Variants in CLEC5A observed in about 807,000 individuals in gnomAD.
CLEC5A encodes the protein C-type lectin domain family 5 member A.
Under a neutral mutation model 24.4 loss-of-function variants are expected in CLEC5A, and 15 were observed. That is an observed-to-expected ratio of 0.62 (90% CI 0.41 to 0.95). The LOEUF (loss-of-function observed/expected upper bound fraction) is 0.95. Ranked by LOEUF, CLEC5A falls within the 40% of genes least tolerant of loss-of-function variation. The probability of loss-of-function intolerance (pLI) is 0.00; values close to 1 mark genes in which losing one functional copy is unlikely to be tolerated. For synonymous variants in CLEC5A, 71 were observed against 72.6 expected (o/e 0.98, Z 0.11); for missense variants, 211 against 224.0 (o/e 0.94, Z 0.37).
At chr7:141,940,719 TAATAA>T (rs1346210824) in intron 4 of CLEC5A, among the ~76,000 whole-genome samples, 3 of 149,978 alleles carry the variant, frequency 2.0e-5, no homozygotes, top group Non-Finnish European at 4.5e-5. Context: ...TGACCCAAAT[TAATAA>T]AATCAGAGAT....
intron 4 of CLEC5A, among the ~76,000 whole-genome samples, chr7:141,938,866 T>G (rs1202801431): frequency 6.6e-6 from 1 of 152,190 alleles, no homozygotes; most frequent in Non-Finnish European, 1.5e-5. Flanking sequence ...GCATGGCATA[T>G]TTAAGTTGCT....
At chr7:141,946,528 C>T (rs556832834) in intron 1 of CLEC5A, among the ~76,000 whole-genome samples, 8 of 152,326 alleles carry the variant, frequency 5.3e-5, no homozygotes, top group Non-Finnish European at 1.0e-4. Context: ...ACTGCCTCTC[C>T]TTCACTCATT....
In CLEC5A at chr7:141,931,474, T is replaced by C. The variant is rs1158920724; in HGVS notation, c.452+246A>G. On this transcript the variant is annotated intron_variant, in intron 6 of 6. Transcript: ENST00000546910. The stretch of plus-strand genomic sequence containing the variant: ...TGCTATGTAGGTGGATTTGTTTGGA[T>C]CTTGATATGAATAAAATAATTTGCT... 1.2e-5 allele frequency: 6 copies of C among 512,770 alleles called. No homozygotes were observed. The African/African-American group carries it at 1.2e-4, about 10-fold the overall frequency. 31.8% of individuals were successfully genotyped at this position (512,770 alleles called of 1,614,324 possible).
Position 141,931,844 on chromosome 7 carries a change from AT to A in CLEC5A, c.346-19del. The A allele has an allele frequency of 3.3e-6, 4 of 1,217,288 alleles. No homozygotes were observed. Among genetic ancestry groups the A allele is most frequent in the South Asian group, 1.3e-5 (1 of 77,794 alleles). The allele number at this position is 1,217,288 out of a possible 1,614,324, so 75.4% of individuals were successfully genotyped here. ...AGAAACTTCTGGAAATAAAAAAAAA[AT>A]TTTACCAGTGAGTCTTTTAATGATG... On this transcript the variant is annotated intron_variant, in intron 5 of 6. Transcript: ENST00000546910.
Position 141,935,721 on chromosome 7 carries a change from A to T in CLEC5A, c.345+93T>A, listed in dbSNP as rs150234759. 6.0e-3 allele frequency: 6,597 copies of T among 1,097,010 alleles called. 114 individuals carry two copies. Among genetic ancestry groups the T allele is most frequent in the Middle Eastern group, 0.053 (259 of 4,928 alleles). 68.0% of individuals were successfully genotyped at this position (1,097,010 alleles called of 1,614,324 possible). A position where few individuals can be genotyped will look rare whatever the true frequency, so the allele number is the denominator to read the frequency against. ...CAGCCACCTCTCCATTCCTCACTCC[A>T]TCCCATCCCCACTCCCCCAAGTTTC... On this transcript the variant is annotated intron_variant, in intron 5 of 6. Transcript: ENST00000546910.
intron 4 of CLEC5A, among the ~76,000 whole-genome samples, chr7:141,942,994 C>T (rs1584853343): frequency 6.6e-6 from 1 of 152,170 alleles, no homozygotes; most frequent in East Asian, 1.9e-4. Context: ...TAAACTAGTA[C>T]AGCTATGGAG....
chr7:141,930,148 AT>A lies in CLEC5A; in HGVS notation c.522del (p.Cys175ValfsTer20), dbSNP rs538086213. On this transcript the variant is annotated frameshift_variant, in exon 7 of 7. Transcript: ENST00000546910. LOFTEE classifies it high-confidence loss of function. Reference sequence around the variant, plus strand: ...CAGATCCTGCGGTAGCTGATGTCACATGATGCAGCATCAAATGTCTTTGTTA... The same window carrying A: ...CAGATCCTGCGGTAGCTGATGTCACAGATGCAGCATCAAATGTCTTTGTTA... ...IGLTKTFDAA[S>X]CDISYRRICE... is the part of the protein sequence containing the mutation. The A allele has an allele frequency of 1.2e-4, 200 of 1,614,086 alleles. No individual in the cohort carries two copies. Among genetic ancestry groups the A allele is most frequent in the Middle Eastern group, 1.6e-4 (1 of 6,084 alleles).
rs1563073241 is a variant in CLEC5A, at chr7:141,931,803, A to G, written c.369T>C (p.Asp123=). The G allele has an allele frequency of 2.5e-6, 4 of 1,599,156 alleles. No individual in the cohort carries two copies. In the South Asian group the frequency reaches 3.3e-5, roughly 13 times the overall value. ...EKLKFLQDIT[D]AEKYFIGLIY... is the part of the protein sequence containing the mutation. ...TTAAGCCAATAAAATACTTCTCAGC[A>G]TCAGTTATGTCCTGAAGAAACTTCT... is the stretch of plus-strand genomic sequence containing the variant. Residue 123 remains aspartate, a synonymous_variant, in exon 6 of 7, where the codon GAT becomes GAC. Coordinates refer to ENST00000546910, the MANE Select transcript of CLEC5A (RefSeq NM_013252.3).
chr7:141,941,854 A>G (rs1470668411), intron 4 of CLEC5A, among the ~76,000 whole-genome samples: 1 of 152,132 alleles, frequency 6.6e-6, no homozygotes, highest in Non-Finnish European at 1.5e-5. Context: ...TAAAATATCT[A>G]GGAATTAATT....
chr7:141,944,429 G>A (rs1802891970), intron 3 of CLEC5A, among the ~76,000 whole-genome samples: 1 of 152,146 alleles, frequency 6.6e-6, no homozygotes, highest in African/African-American at 2.4e-5. Context: ...GCAACTCTGG[G>A]ACTCTTTTCT....
chr7:141,928,681 A>C lies in CLEC5A; in HGVS notation c.*1423T>G, dbSNP rs782143851. ...GAGCCAAAAATGATGAAACCTAGGA[A>C]TGCAGAAGCAGAACTTAGTGTTGTA... On this transcript the variant is annotated 3_prime_UTR_variant, in exon 7 of 7. Coordinates refer to ENST00000546910, the MANE Select transcript of CLEC5A (RefSeq NM_013252.3). 2.6e-5 allele frequency: 4 copies of C among 152,234 alleles called. No homozygotes were observed. Among genetic ancestry groups the C allele is most frequent in the Admixed American group, 6.5e-5 (1 of 15,286 alleles). 9.4% of individuals were successfully genotyped at this position (152,234 alleles called of 1,614,324 possible).
intron 2 of CLEC5A, chr7:141,945,871 G>T (rs1341483211): frequency 2.2e-5 from 7 of 323,422 alleles, no homozygotes; most frequent in African/African-American, 1.5e-4. Flanking sequence ...TTGTCATTGG[G>T]TTGAACTGGA....
intron 6 of CLEC5A, chr7:141,931,380 G>A: frequency 5.3e-6 from 2 of 375,086 alleles, no homozygotes; most frequent in Non-Finnish European, 9.5e-6. Flanking sequence ...GAGCTTTTTT[G>A]ATCAGTCAGA....
chr7:141,945,314 GAGA>G, intron 3 of CLEC5A, 24 bp downstream of exon 3: 1 of 1,529,648 alleles, frequency 6.5e-7, no homozygotes, highest in Non-Finnish European at 9.1e-7. Flanking sequence ...GGAGGATGGG[GAGA>G]AGATTTACCA....
At chr7:141,945,915 G>A (rs528952028) in intron 2 of CLEC5A, 52 of 371,038 alleles carry the variant, frequency 1.4e-4, no homozygotes, top group African/African-American at 5.9e-4. Context: ...AATAACAAGC[G>A]CTGCCAAGTA....
At chr7:141,939,059 T>C (rs1584850088) in intron 4 of CLEC5A, among the ~76,000 whole-genome samples, 1 of 152,188 alleles carries the variant, frequency 6.6e-6, no homozygotes, top group African/African-American at 2.4e-5. Context: ...TAATGAGCAA[T>C]AAGAAATCAT....
intron 4 of CLEC5A, among the ~76,000 whole-genome samples, chr7:141,937,183 A>T (rs574501291): frequency 9.2e-5 from 14 of 152,060 alleles, no homozygotes; most frequent in African/African-American, 2.9e-4. Flanking sequence ...CTTGCACCTT[A>T]TGTAACAGAC....
intron 4 of CLEC5A, 69 bp from the exon 5 acceptor site, chr7:141,936,019 G>C: frequency 7.9e-7 from 1 of 1,269,926 alleles, no homozygotes; most frequent in Non-Finnish European, 1.1e-6. Context: ...ACTAAGTCAT[G>C]AAACAGTGAT....
Position 141,941,016 on chromosome 7 carries a change from A to G in CLEC5A, c.208+2880T>C, listed in dbSNP as rs111625586. Among the ~76,000 whole-genome samples the G allele has an allele frequency of 4.3e-3, 662 of 152,244 alleles. 5 individuals carry two copies. The highest frequency in any genetic ancestry group is 0.015 in the African/African-American group (636 of 41,560). On this transcript the variant is annotated intron_variant, in intron 4 of 6. Coordinates refer to ENST00000546910, the MANE Select transcript of CLEC5A (RefSeq NM_013252.3). ...GCCAAGTATTTAAAGAAGAACTAAT[A>G]CCAATCCTACTCAAACTGTTCTGAA...
Sources: gnomAD v4.1 joint callset for allele counts (sites outside exome capture counted in the v4.1 genomes callset) on GRCh38, gnomAD v4.1.1 for gene constraint, MANE v1.5 for transcripts, NCBI Gene and HGNC (gene_info 2026-07-23, HGNC 2026-07-21) for gene names.